The following SLC38A12 variants were observed in gnomAD, a reference collection of about 807,000 sequenced individuals.
SLC38A12 encodes the protein solute carrier family 38 member 12.
chr17:74,795,566 C>A, the SLC38A12 span: 7 of 1,614,016 alleles, frequency 4.3e-6, no homozygotes, highest in Middle Eastern at 1.6e-4. Flanking sequence ...AAGCAGACAC[C>A]AAATACAATG....
the SLC38A12 span, among the ~76,000 whole-genome samples, chr17:74,803,067 A>G: frequency 8.5e-5 from 13 of 152,320 alleles, no homozygotes; most frequent in Middle Eastern, 6.8e-3. Context: ...ATCCAAAGGT[A>G]TGAAATAAAT....
At chr17:74,787,421 G>A in the SLC38A12 span, among the ~76,000 whole-genome samples, 1 of 150,884 alleles carries the variant, frequency 6.6e-6, no homozygotes, top group Non-Finnish European at 1.5e-5. Context: ...AGGAGATCGA[G>A]ACCATCCTGG....
At chr17:74,827,983 C>T in the SLC38A12 span, among the ~76,000 whole-genome samples, 329 of 152,334 alleles carry the variant, frequency 2.2e-3, 2 homozygotes, top group African/African-American at 7.5e-3. This position sits in a 1 kb window ranked among gnomAD's most constrained non-coding sequence, Gnocchi z 4.7. Context: ...AAGGAGGGAG[C>T]TGGCGCCAAG....
the SLC38A12 span, among the ~76,000 whole-genome samples, chr17:74,796,741 C>T: frequency 2.0e-5 from 3 of 152,350 alleles, no homozygotes; most frequent in African/African-American, 7.2e-5. Flanking sequence ...CGTTGCAGGT[C>T]TGGTGGGAAT....
the SLC38A12 span, among the ~76,000 whole-genome samples, chr17:74,822,100 A>G: frequency 6.6e-6 from 1 of 152,142 alleles, no homozygotes; most frequent in South Asian, 2.1e-4. Flanking sequence ...GAAAGGGAAA[A>G]GATTGTAAAA....
chr17:74,808,088 T>C, the SLC38A12 span, among the ~76,000 whole-genome samples: 1 of 152,252 alleles, frequency 6.6e-6, no homozygotes, highest in Admixed American at 6.5e-5. Flanking sequence ...CTTGGAACTC[T>C]GCCCACCATC....
At chr17:74,835,020 G>A in the SLC38A12 span, among the ~76,000 whole-genome samples, 2 of 152,234 alleles carry the variant, frequency 1.3e-5, no homozygotes, top group South Asian at 2.1e-4. Context: ...CCTGGAGGGC[G>A]TGCTGTGAGC....
the SLC38A12 span, chr17:74,777,691 G>A: frequency 8.8e-6 from 10 of 1,139,684 alleles, no homozygotes; most frequent in South Asian, 6.5e-5. Flanking sequence ...AGGCTGAAGC[G>A]GGCAGATCAC....
chr17:74,780,444 G>A, the SLC38A12 span, among the ~76,000 whole-genome samples: 1 of 152,192 alleles, frequency 6.6e-6, no homozygotes, highest in Non-Finnish European at 1.5e-5. Context: ...AGATAACTCA[G>A]TTTAGAATGC....
chr17:74,806,185 C>T, the SLC38A12 span, among the ~76,000 whole-genome samples: 3 of 152,148 alleles, frequency 2.0e-5, no homozygotes, highest in Admixed American at 6.5e-5. Context: ...CCCACCTGTT[C>T]CTCTCACGCT....
the SLC38A12 span, among the ~76,000 whole-genome samples, chr17:74,831,815 G>T: frequency 6.6e-6 from 1 of 152,180 alleles, no homozygotes; most frequent in African/African-American, 2.4e-5. Context: ...GGCTTCCCAC[G>T]CAGCCTCCAC....
At chr17:74,788,161 T>C in the SLC38A12 span, among the ~76,000 whole-genome samples, 1 of 152,206 alleles carries the variant, frequency 6.6e-6, no homozygotes, top group African/African-American at 2.4e-5. Flanking sequence ...GGCAAGCGTC[T>C]AATGCCACCT....
chr17:74,838,840 C>T, the SLC38A12 span: 2 of 1,527,760 alleles, frequency 1.3e-6, no homozygotes, highest in Non-Finnish European at 1.8e-6. Context: ...CAGCCATCAT[C>T]AACTTGGCAA....
At chr17:74,838,099 C>T in the SLC38A12 span, 1 of 985,876 alleles carries the variant, frequency 1.0e-6, no homozygotes, top group Non-Finnish European at 1.2e-6. Flanking sequence ...TTGCAGGGAA[C>T]TCGGGGAGCC....
the SLC38A12 span, among the ~76,000 whole-genome samples, chr17:74,831,441 C>T: frequency 3.3e-5 from 5 of 152,178 alleles, no homozygotes; most frequent in Non-Finnish European, 7.4e-5. Context: ...GTGGCTTTTG[C>T]GTTGGCTTTT....
the SLC38A12 span, chr17:74,819,887 G>T: frequency 6.4e-7 from 1 of 1,556,892 alleles, no homozygotes. Context: ...TTCTCCTCTC[G>T]TCCCTTCCCT....
At chr17:74,798,371 G>A in the SLC38A12 span, among the ~76,000 whole-genome samples, 2 of 152,232 alleles carry the variant, frequency 1.3e-5, no homozygotes, top group East Asian at 3.8e-4. Context: ...TGGCCTGTGT[G>A]TAGCATCATG....
chr17:74,806,761 G>A, the SLC38A12 span, among the ~76,000 whole-genome samples: 1 of 152,062 alleles, frequency 6.6e-6, no homozygotes, highest in African/African-American at 2.4e-5. Flanking sequence ...CGATAGGATG[G>A]GAATGAAATT....
chr17:74,795,992 T>C, the SLC38A12 span, among the ~76,000 whole-genome samples: 1 of 152,218 alleles, frequency 6.6e-6, no homozygotes, highest in Non-Finnish European at 1.5e-5. Context: ...TTCCATATTT[T>C]GACCTTACTC....
Sources: allele counts gnomAD v4.1 joint callset (sites outside exome capture counted in the v4.1 genomes callset), GRCh38; gene constraint gnomAD v4.1.1; non-coding constraint Gnocchi (gnomAD v3.1); transcripts MANE v1.5; gene names NCBI Gene and HGNC (gene_info 2026-07-23, HGNC 2026-07-21).